Variants in ADAM29 observed in about 807,000 individuals in gnomAD.
ADAM29 encodes the protein ADAM metallopeptidase domain 29, also known as disintegrin and metalloproteinase domain-containing protein 29.
For synonymous variants in ADAM29, 367 were observed against 342.3 expected, an observed-to-expected ratio of 1.07 and a Z score of -0.80; for missense variants, 969 against 1,001.8, an observed-to-expected ratio of 0.97 and a Z score of 0.44.
rs558472924 is a variant in ADAM29, at chr4:174,956,609, C to T, written c.-180-18737C>T. Among the ~76,000 whole-genome samples, 21 of 151,838 alleles carry T rather than the reference C, an allele frequency of 1.4e-4. No individual in the cohort carries two copies. In the South Asian group the frequency reaches 4.1e-3, roughly 30 times the overall value. ...TGTGCTCAGTATAGTCAGTGCTTTG[C>T]ATATAATCATTGTGGTGGTAATATT... On this transcript the variant is annotated intron_variant, in intron 4 of 4. Transcript: ENST00000359240.
intron 4 of ADAM29, among the ~76,000 whole-genome samples, chr4:174,947,371 G>A (rs1744917024): frequency 1.3e-5 from 2 of 152,064 alleles, no homozygotes; most frequent in Admixed American, 6.6e-5. Flanking sequence ...ACTTTTAGGT[G>A]TGGGCATCTA....
At chr4:174,971,497 G>A (rs1184227472) in intron 4 of ADAM29, among the ~76,000 whole-genome samples, 2 of 152,102 alleles carry the variant, frequency 1.3e-5, no homozygotes, top group Non-Finnish European at 2.9e-5. Flanking sequence ...TTGGTTGGCA[G>A]TTTCTTTTCT....
intron 2 of ADAM29, among the ~76,000 whole-genome samples, chr4:174,928,569 TA>T (rs70947474): frequency 1.1e-4 from 14 of 131,818 alleles, no homozygotes; most frequent in Admixed American, 2.4e-4. Context: ...GTCATGTGCT[TA>T]AAAAAAAAAA....
chr4:174,925,183 A>T (rs995628034), intron 2 of ADAM29, among the ~76,000 whole-genome samples: 1 of 152,202 alleles, frequency 6.6e-6, no homozygotes, highest in African/African-American at 2.4e-5. Context: ...GGTGTCCTGG[A>T]TGGGACCTTG....
intron 1 of ADAM29, 56 bp downstream of exon 1, chr4:174,918,527 A>T (rs994320689): frequency 3.3e-5 from 5 of 152,142 alleles, no homozygotes; most frequent in African/African-American, 1.2e-4. Context: ...TTGAAGGTCA[A>T]AGAAGTAGTC....
chr4:174,939,100 C>T (rs1379815852), intron 4 of ADAM29, among the ~76,000 whole-genome samples: 3 of 152,090 alleles, frequency 2.0e-5, no homozygotes, highest in African/African-American at 7.2e-5. Context: ...ACTTACTTAT[C>T]TGCAAAGAGT....
At chr4:174,965,714 GTGTC>G (rs1035739486) in intron 4 of ADAM29, among the ~76,000 whole-genome samples, 1 of 151,928 alleles carries the variant, frequency 6.6e-6, no homozygotes, top group African/African-American at 2.4e-5. Context: ...CCTTCTTTCT[GTGTC>G]TGTATTTCAG....
chr4:174,924,229 T>C (rs1743355503), intron 2 of ADAM29, among the ~76,000 whole-genome samples: 1 of 152,128 alleles, frequency 6.6e-6, no homozygotes, highest in Non-Finnish European at 1.5e-5. Context: ...CAAATAAGCA[T>C]AGGAAAATTT....
chr4:174,929,303 G>C (rs1273214653), intron 2 of ADAM29, among the ~76,000 whole-genome samples: 2 of 152,100 alleles, frequency 1.3e-5, no homozygotes, highest in Non-Finnish European at 1.5e-5. Flanking sequence ...TCTTTAGAAA[G>C]CATATTCTGA....
At chr4:174,948,900 A>T (rs1398935972) in intron 4 of ADAM29, among the ~76,000 whole-genome samples, 1 of 152,072 alleles carries the variant, frequency 6.6e-6, no homozygotes, top group Non-Finnish European at 1.5e-5. Flanking sequence ...CAGCATCACA[A>T]GGAAGGGGTG....
chr4:174,960,271 T>C (rs1174520589), intron 4 of ADAM29, among the ~76,000 whole-genome samples: 1 of 152,064 alleles, frequency 6.6e-6, no homozygotes, highest in African/African-American at 2.4e-5. Context: ...GTTAATTTTT[T>C]TCATCACTTT....
At position 174,976,443 on chromosome 4, in the gene ADAM29, G is replaced by A. The variant is rs1211762587; in HGVS notation, c.918G>A (p.Met306Ile). Residue 306 changes from methionine to isoleucine, a missense_variant, in exon 5 of 5, where the codon ATG (methionine) becomes ATA (isoleucine). Met to Ile is a conservative substitution (Grantham distance 10). Transcript: ENST00000359240. ...GTGGCATAGGAGCTTTTAGAGGAATGTGTACACCACACCGTAGTTGTGCAA... is the reference window on the plus strand; with the variant it reads ...GTGGCATAGGAGCTTTTAGAGGAATATGTACACCACACCGTAGTTGTGCAA... ...GLSGIGAFRG[M>I]CTPHRSCAIV... 1 of 1,605,794 alleles carries A rather than the reference G, an allele frequency of 6.2e-7. No individual in the cohort carries two copies. Among genetic ancestry groups the A allele is most frequent in the Non-Finnish European group, 8.5e-7 (1 of 1,176,294 alleles).
chr4:174,968,980 T>C (rs1746311791), intron 4 of ADAM29, among the ~76,000 whole-genome samples: 2 of 149,916 alleles, frequency 1.3e-5, no homozygotes, highest in South Asian at 4.3e-4. Context: ...ATTCGTGTTT[T>C]TGCATAAGGG....
At chr4:174,959,943 C>T (rs1240027661) in intron 4 of ADAM29, among the ~76,000 whole-genome samples, 2 of 151,812 alleles carry the variant, frequency 1.3e-5, no homozygotes, top group African/African-American at 4.8e-5. Context: ...GTGAAAACTA[C>T]CTGGGGCTGC....
intron 4 of ADAM29, among the ~76,000 whole-genome samples, chr4:174,962,524 A>AG (rs1745900697): frequency 6.6e-6 from 1 of 152,036 alleles, no homozygotes; most frequent in African/African-American, 2.4e-5. Context: ...AAAAAAAAAA[A>AG]AAAAGATTTA....
chr4:174,975,715 A>G lies in ADAM29; in HGVS notation c.190A>G (p.Ile64Val), dbSNP rs978005862. Residue 64 changes from isoleucine (I) to valine (V), a missense_variant, in exon 5 of 5, where the codon ATT becomes GTT. Transcript: ENST00000359240. ...CCTGCCCTTTGGAGGCCAGAAACACATTATCCACATAAAGGTCAAGAAGCT... is the reference window on the plus strand; with the variant it reads ...CCTGCCCTTTGGAGGCCAGAAACACGTTATCCACATAAAGGTCAAGAAGCT... Reference protein sequence around the residue: ...YILPFGGQKHIIHIKVKKLLF... With the variant: ...YILPFGGQKHVIHIKVKKLLF... 4 of 1,611,874 alleles carry G rather than the reference A, an allele frequency of 2.5e-6. No homozygotes were observed. The highest frequency in any genetic ancestry group is 1.7e-6 in the Non-Finnish European group (2 of 1,179,064).
intron 2 of ADAM29, among the ~76,000 whole-genome samples, chr4:174,921,607 T>C (rs1743169411): frequency 6.6e-6 from 1 of 152,198 alleles, no homozygotes; most frequent in African/African-American, 2.4e-5. Flanking sequence ...ATATCCACCT[T>C]AAGGATAGTG....
At chr4:174,931,550 C>G (rs1211861863) in intron 3 of ADAM29, among the ~76,000 whole-genome samples, 1 of 152,078 alleles carries the variant, frequency 6.6e-6, no homozygotes, top group Non-Finnish European at 1.5e-5. Flanking sequence ...ATATATTTTC[C>G]CGACCAGAGT....
intron 4 of ADAM29, among the ~76,000 whole-genome samples, chr4:174,956,206 T>TC (rs1265166015): frequency 1.3e-5 from 2 of 152,026 alleles, no homozygotes; most frequent in Admixed American, 1.3e-4. Context: ...TAAAATGTGT[T>TC]CCGTCTGTCA....
Sources: allele counts gnomAD v4.1 joint callset (sites outside exome capture counted in the v4.1 genomes callset), GRCh38; gene constraint gnomAD v4.1.1; transcripts MANE v1.5; gene names NCBI Gene and HGNC (gene_info 2026-07-23, HGNC 2026-07-21).